The following RIC1 variants were observed in gnomAD, a reference collection of about 807,000 sequenced individuals.
RIC1 encodes the protein RIC1 partner of RAB6A GEF complex.
RIC1 carries 88 observed loss-of-function variants against 169.0 expected under a neutral mutation model. That is an observed-to-expected ratio of 0.52 (90% confidence interval 0.44 to 0.62). The LOEUF is 0.62. RIC1 is among the 20% of genes least tolerant of loss of function. The pLI is 0.00. For synonymous variants in RIC1, 790 were observed against 601.5 expected (o/e 1.31, Z -4.59); for missense variants, 1,877 against 1,725.5 (o/e 1.09, Z -1.56).
At chr9:5,713,269 T>C (rs1823042393) in intron 3 of RIC1, 1 of 152,204 alleles carries the variant, frequency 6.6e-6, no homozygotes, top group African/African-American at 2.4e-5. Flanking sequence ...CAAAACAACC[T>C]GTAGTCCTTT....
At chr9:5,702,388 G>A (rs1822275365) in intron 3 of RIC1, among the ~76,000 whole-genome samples, 1 of 152,196 alleles carries the variant, frequency 6.6e-6, no homozygotes, top group Admixed American at 6.5e-5. Context: ...AGGAAGAATG[G>A]CTGGGGAGGC....
chr9:5,718,382 G>A (rs1823394857), intron 4 of RIC1, among the ~76,000 whole-genome samples: 1 of 152,096 alleles, frequency 6.6e-6, no homozygotes, highest in African/African-American at 2.4e-5. Context: ...AGAAAGATAA[G>A]AGGGAAGTTA....
At chr9:5,636,782 C>G (rs960896523) in intron 1 of RIC1, among the ~76,000 whole-genome samples, 2 of 152,100 alleles carry the variant, frequency 1.3e-5, no homozygotes, top group African/African-American at 4.8e-5. Context: ...ATGTCATCTT[C>G]AGAGACAATT....
In RIC1 at chr9:5,676,329, A is replaced by G. The variant is rs73392653; in HGVS notation, c.253-13630A>G. 5.8e-3 allele frequency among the ~76,000 whole-genome samples: 882 copies of G among 152,344 alleles called. 10 individuals carry two copies. Among genetic ancestry groups the G allele is most frequent in the African/African-American group, 0.02 (830 of 41,586 alleles). ...ATAGTTTTTTATCCTTGTATGAAAT[A>G]TATTGAATATGAATTAACGGTGTAC... On this transcript the variant is annotated intron_variant, in intron 2 of 25. Transcript: ENST00000414202.
rs1563867089 is a variant in RIC1 at position 5,647,985 on chromosome 9, G to GT, written c.145-8598_145-8597insT. On this transcript the variant is annotated intron_variant, in intron 1 of 25. Coordinates refer to ENST00000414202, the MANE Select transcript of RIC1 (RefSeq NM_020829.4). ...TGGTGGTGGTGGTGATGGTGGTGGT[G>GT]GTGGTGGTAGTGGTAGTGGTTTTTT... Among the ~76,000 whole-genome samples the GT allele has an allele frequency of 1.6e-3, 197 of 121,000 alleles. 2 individuals carry two copies. Among genetic ancestry groups the GT allele is most frequent in the African/African-American group, 7.6e-3 (186 of 24,320 alleles). 79.4% of individuals were successfully genotyped at this position (121,000 alleles called of 152,430 possible).
chr9:5,667,161 C>CA (rs1178897755), intron 2 of RIC1, among the ~76,000 whole-genome samples: 2 of 151,892 alleles, frequency 1.3e-5, no homozygotes, highest in Non-Finnish European at 2.9e-5. Flanking sequence ...GCCATCGCTA[C>CA]AAAAAATAAA....
chr9:5,772,907 T>G lies in RIC1; in HGVS notation c.3810T>G (p.Ile1270Met). The G allele has an allele frequency of 6.2e-7, 1 of 1,611,568 alleles. No individual in the cohort carries two copies. Among genetic ancestry groups the G allele is most frequent in the Non-Finnish European group, 8.5e-7 (1 of 1,179,134 alleles). Residue 1270 changes from isoleucine (I) to methionine (M), a missense_variant, in exon 25 of 26, where the codon ATT becomes ATG. Coordinates refer to ENST00000414202, the MANE Select transcript of RIC1 (RefSeq NM_020829.4). ...SQVQLRYLLH[I>M]FMEAGCLDWC... is the part of the protein sequence containing the mutation. ...TTATATTTAGGTATTTGCTACACAT[T>G]TTCATGGAGGCAGGGTGCCTAGACT...
At chr9:5,672,091 G>T (rs1025984468) in intron 2 of RIC1, among the ~76,000 whole-genome samples, 1 of 152,222 alleles carries the variant, frequency 6.6e-6, no homozygotes, top group Non-Finnish European at 1.5e-5. Context: ...CTCAGAGACA[G>T]TGCCTGAGAG....
chr9:5,674,701 A>G (rs147144466), intron 2 of RIC1, among the ~76,000 whole-genome samples: 3 of 152,198 alleles, frequency 2.0e-5, no homozygotes, highest in East Asian at 1.9e-4. Context: ...ATAATTGACT[A>G]TTCCCCTACC....
intron 1 of RIC1, among the ~76,000 whole-genome samples, chr9:5,651,345 C>A (rs1586881719): frequency 6.6e-6 from 1 of 151,884 alleles, no homozygotes; most frequent in African/African-American, 2.4e-5. Context: ...AGTGTGACTC[C>A]TCCCTGTTTG....
At chr9:5,675,568 A>T (rs1369290295) in intron 2 of RIC1, among the ~76,000 whole-genome samples, 1 of 152,202 alleles carries the variant, frequency 6.6e-6, no homozygotes, top group Non-Finnish European at 1.5e-5. Context: ...AATTTCTTCT[A>T]ACTTCTTTGT....
intron 2 of RIC1, among the ~76,000 whole-genome samples, chr9:5,683,238 C>T (rs1445992926): frequency 6.6e-6 from 1 of 152,126 alleles, no homozygotes; most frequent in Non-Finnish European, 1.5e-5. Flanking sequence ...TTTAGAGTTT[C>T]CGGTTTTTCT....
At chr9:5,680,406 A>G (rs1343669462) in intron 2 of RIC1, among the ~76,000 whole-genome samples, 1 of 152,180 alleles carries the variant, frequency 6.6e-6, no homozygotes, top group Non-Finnish European at 1.5e-5. Flanking sequence ...GAATAGTTTC[A>G]GAAGGAATGG....
chr9:5,709,874 A>T lies in RIC1; in HGVS notation c.333-4022A>T, dbSNP rs188027827. Reference sequence around the variant, plus strand: ...TCATGAAGAAATTAGAATTTACTTAAATTTGCTTTAAAGTTCTTGTAATAC... The same window carrying T: ...TCATGAAGAAATTAGAATTTACTTATATTTGCTTTAAAGTTCTTGTAATAC... On this transcript the variant is annotated intron_variant, in intron 3 of 25. Coordinates refer to ENST00000414202, the MANE Select transcript of RIC1 (RefSeq NM_020829.4). Among the ~76,000 whole-genome samples, 37 of 152,306 alleles carry T rather than the reference A, an allele frequency of 2.4e-4. 1 individual carries two copies. The highest frequency in any genetic ancestry group is 2.4e-3 in the Admixed American group (37 of 15,294).
At chr9:5,762,442 T>G in intron 17 of RIC1, 99 bp from the exon 18 acceptor site, 1 of 1,401,812 alleles carries the variant, frequency 7.1e-7, no homozygotes, top group Non-Finnish European at 9.8e-7. Context: ...CAATAAATAA[T>G]GTAGATTGTT....
chr9:5,736,074 T>C (rs1008035848), intron 7 of RIC1, among the ~76,000 whole-genome samples: 2 of 152,224 alleles, frequency 1.3e-5, no homozygotes, highest in African/African-American at 2.4e-5. Flanking sequence ...TGTCAGACTT[T>C]TATAAGTAGT....
chr9:5,659,237 A>G lies in RIC1; in HGVS notation c.252+2547A>G, dbSNP rs532342392. On this transcript the variant is annotated intron_variant, in intron 2 of 25. Coordinates refer to ENST00000414202, the MANE Select transcript of RIC1 (RefSeq NM_020829.4). The stretch of plus-strand genomic sequence containing the variant: ...ATTTGGGGTTATTTCTGGATGCTCC[A>G]TTCTGTTTCATTGTTATATATGTCT... Among the ~76,000 whole-genome samples, 134 of 152,210 alleles carry G rather than the reference A, an allele frequency of 8.8e-4. 1 individual carries two copies. Among genetic ancestry groups the G allele is most frequent in the Non-Finnish European group, 1.2e-4 (8 of 67,972 alleles).
chr9:5,706,628 CTTA>C (rs1481449600), intron 3 of RIC1, among the ~76,000 whole-genome samples: 1 of 152,042 alleles, frequency 6.6e-6, no homozygotes, highest in Non-Finnish European at 1.5e-5. Context: ...AATTTCATTA[CTTA>C]TTATAGGTCT....
intron 6 of RIC1, among the ~76,000 whole-genome samples, chr9:5,723,480 G>A (rs922105401): frequency 2.0e-5 from 3 of 152,040 alleles, no homozygotes; most frequent in Non-Finnish European, 4.4e-5. Flanking sequence ...ATGGGTAGAT[G>A]GTAAAAATTT....
Sources: allele counts gnomAD v4.1 joint callset (sites outside exome capture counted in the v4.1 genomes callset), GRCh38; gene constraint gnomAD v4.1.1; transcripts MANE v1.5; gene names NCBI Gene and HGNC (gene_info 2026-07-23, HGNC 2026-07-21).